CREB5: variants seen among roughly 807,000 people sequenced by gnomAD.
CREB5 encodes cAMP responsive element binding protein 5.
A neutral mutation model predicts 57.1 loss-of-function variants in CREB5; 19 were observed. The ratio of observed to expected loss-of-function variants is 0.33; its 90% CI spans 0.23 to 0.49. The LOEUF (loss-of-function observed/expected upper bound fraction) is 0.49, where lower values mean the gene tolerates loss of function less well. CREB5 is among the 20% of genes least tolerant of loss of function. The pLI, the probability that CREB5 is intolerant of heterozygous loss-of-function variation, is 0.99. For synonymous variants in CREB5, 238 were observed against 238.3 expected (o/e 1.00, Z 0.01); for missense variants, 579 against 671.6 (o/e 0.86, Z 1.52).
In CREB5 at chr7:28,419,448, T is replaced by A. The variant is rs544853710; in HGVS notation, c.3+6531T>A. On this transcript the variant is annotated intron_variant, in intron 1 of 10. Transcript: ENST00000357727. ...TTTGCAGTCTCTGTCTGCATTTCTG[T>A]GTCTTTGATGGGTGAGCTGTTGATT... Among the ~76,000 whole-genome samples the A allele has an allele frequency of 7.2e-5, 11 of 152,372 alleles. No individual in the cohort carries two copies. The South Asian group carries it at 2.1e-3, about 29-fold the overall frequency.
intron 7 of CREB5, among the ~76,000 whole-genome samples, chr7:28,778,166 G>C (rs1172650286): frequency 6.6e-6 from 1 of 152,148 alleles, no homozygotes; most frequent in Non-Finnish European, 1.5e-5. Flanking sequence ...AGTTTTATAA[G>C]AAAATACTAA....
At chr7:28,731,614 C>G (rs980126808) in intron 7 of CREB5, among the ~76,000 whole-genome samples, 3 of 152,188 alleles carry the variant, frequency 2.0e-5, no homozygotes, top group Admixed American at 6.5e-5. Flanking sequence ...AACCCAGGTT[C>G]CTGATTTTCA....
intron 4 of CREB5, among the ~76,000 whole-genome samples, chr7:28,569,909 T>C (rs1035057878): frequency 7.1e-6 from 1 of 141,536 alleles, no homozygotes; most frequent in African/African-American, 2.6e-5. Context: ...TCTTAAAAAA[T>C]GTATATATAT....
At chr7:28,633,586 C>T (rs1798289388) in intron 5 of CREB5, among the ~76,000 whole-genome samples, 1 of 152,188 alleles carries the variant, frequency 6.6e-6, no homozygotes, top group Admixed American at 6.5e-5. Context: ...GGTGCTCACA[C>T]AGTGGTCAGG....
At chr7:28,655,276 G>A (rs748852808) in intron 5 of CREB5, among the ~76,000 whole-genome samples, 5 of 152,156 alleles carry the variant, frequency 3.3e-5, no homozygotes, top group Admixed American at 6.6e-5. Context: ...CTCTTTAAAC[G>A]TTTTTGCCTG....
chr7:28,810,099 T>A (rs929945801), intron 9 of CREB5, among the ~76,000 whole-genome samples: 4 of 152,114 alleles, frequency 2.6e-5, no homozygotes, highest in African/African-American at 9.7e-5. Flanking sequence ...CCCAGAAGTG[T>A]CTGGGAGTGT....
In CREB5 at chr7:28,817,874, G is replaced by T. The variant is rs115045339; in HGVS notation, c.1255-197G>T. On this transcript the variant is annotated intron_variant, in intron 9 of 10. Coordinates refer to ENST00000357727, the MANE Select transcript of CREB5 (RefSeq NM_182898.4). ...GCTCTTGAGTTAAAACCTAAGCTCT[G>T]CAGAAAGCCCCTGGGAAATGTGAGG... is the stretch of plus-strand genomic sequence containing the variant. 8.4e-3 allele frequency among the ~76,000 whole-genome samples: 1,274 copies of T among 152,254 alleles called. 18 individuals are homozygous for T. Among genetic ancestry groups the T allele is most frequent in the African/African-American group, 0.028 (1,183 of 41,534 alleles).
chr7:28,364,979 T>C (rs916674093), intron 1 of CREB5, among the ~76,000 whole-genome samples: 3 of 152,142 alleles, frequency 2.0e-5, no homozygotes, highest in Non-Finnish European at 4.4e-5. Context: ...TTCATTCTAC[T>C]CCTGTTATTA....
intron 7 of CREB5, among the ~76,000 whole-genome samples, chr7:28,729,441 C>T (rs1803497062): frequency 6.6e-6 from 1 of 152,136 alleles, no homozygotes. Context: ...GTTGCATATC[C>T]ACTTCGTTTT....
At chr7:28,720,840 TACA>T (rs1366661557) in intron 6 of CREB5, among the ~76,000 whole-genome samples, 1 of 152,188 alleles carries the variant, frequency 6.6e-6, no homozygotes, top group Non-Finnish European at 1.5e-5. Context: ...ATTATTTTTT[TACA>T]ACTTCTATGC....
At chr7:28,610,224 C>T (rs546209887) in intron 5 of CREB5, among the ~76,000 whole-genome samples, 1 of 152,182 alleles carries the variant, frequency 6.6e-6, no homozygotes, top group South Asian at 2.1e-4. Flanking sequence ...CCTCTGCCAG[C>T]TGGGTGAACA....
intron 7 of CREB5, among the ~76,000 whole-genome samples, chr7:28,790,466 G>GAT (rs1173967094): frequency 7.3e-6 from 1 of 136,718 alleles, no homozygotes; most frequent in Non-Finnish European, 1.6e-5. Flanking sequence ...GAGAGATAGA[G>GAT]AGAGAGAGAA....
At chr7:28,410,380 G>A (rs1384529499), upstream of CREB5, 6 of 456,594 alleles carry the variant, frequency 1.3e-5, no homozygotes, top group South Asian at 6.2e-5. Context: ...AAGACCTGGC[G>A]GCGGAGTCTC....
At chr7:28,695,792 G>A (rs1801525948) in intron 5 of CREB5, among the ~76,000 whole-genome samples, 2 of 152,124 alleles carry the variant, frequency 1.3e-5, no homozygotes. Context: ...TGACCTCTGG[G>A]CTCTGAACAC....
rs1382287502 is a variant in CREB5, at chr7:28,560,953, T to TGCGCGTGC, written c.292-9411_292-9410insCGCGTGCG. Among the ~76,000 whole-genome samples the TGCGCGTGC allele has an allele frequency of 6.4e-5, 3 of 47,182 alleles. No homozygotes were observed. The East Asian group carries it at 2.4e-3, about 38-fold the overall frequency. The allele number at this position is 47,182 out of a possible 152,430, so 31.0% of individuals were successfully genotyped here. A position where few individuals can be genotyped will look rare whatever the true frequency, so the allele number is the denominator to read the frequency against. On this transcript the variant is annotated intron_variant, in intron 4 of 10. Coordinates refer to ENST00000357727, the MANE Select transcript of CREB5 (RefSeq NM_182898.4). ...GCGTGTGTGCGTGCGTGTGTGTGCGTGTGTGTGCGTGTGTGTGTGCGTGTG... is the reference window on the plus strand; with the variant it reads ...GCGTGTGTGCGTGCGTGTGTGTGCGTGCGCGTGCGTGTGTGCGTGTGTGTGTGCGTGTG...
intron 5 of CREB5, among the ~76,000 whole-genome samples, chr7:28,633,908 T>C (rs955957181): frequency 2.0e-5 from 3 of 152,118 alleles, no homozygotes; most frequent in African/African-American, 7.2e-5. Context: ...TGAGACCAAA[T>C]CTCTAAATCA....
At chr7:28,355,704 T>C (rs767811149) in intron 1 of CREB5, among the ~76,000 whole-genome samples, 1 of 152,212 alleles carries the variant, frequency 6.6e-6, no homozygotes, top group Non-Finnish European at 1.5e-5. Flanking sequence ...TCATCTGAGG[T>C]CTGCCATCAC....
At chr7:28,619,068 G>T (rs1250386379) in intron 5 of CREB5, among the ~76,000 whole-genome samples, 1 of 152,186 alleles carries the variant, frequency 6.6e-6, no homozygotes, top group African/African-American at 2.4e-5. Context: ...CTCTCATTGG[G>T]CACATGGCCA....
At chr7:28,497,656 G>A (rs1792112019) in intron 3 of CREB5, among the ~76,000 whole-genome samples, 1 of 152,184 alleles carries the variant, frequency 6.6e-6, no homozygotes, top group African/African-American at 2.4e-5. Flanking sequence ...GGAATGCAGA[G>A]CTATACAGTC....
Sources: allele counts gnomAD v4.1 joint callset (sites outside exome capture counted in the v4.1 genomes callset), GRCh38; gene constraint gnomAD v4.1.1; transcripts MANE v1.5; gene names NCBI Gene and HGNC (gene_info 2026-07-23, HGNC 2026-07-21).